Variants in ABI3BP observed in about 807,000 individuals in gnomAD.
ABI3BP encodes target of Nesh-SH3.
ABI3BP carries 216 observed loss-of-function variants against 268.6 expected under a neutral mutation model. That is an observed-to-expected ratio of 0.80 (90% CI 0.72 to 0.90). The LOEUF is 0.90. Ranked by LOEUF, ABI3BP falls within the 40% of genes least tolerant of loss-of-function variation. ABI3BP has a pLI of 0.00. For missense variants in ABI3BP, 2,090 were observed against 2,182.4 expected, an observed-to-expected ratio of 0.96 and a Z score of 0.84; for synonymous variants, 730 against 730.0, an observed-to-expected ratio of 1.00 and a Z score of 0.00.
intron 23 of ABI3BP, 94 bp from the exon 24 acceptor site, chr3:100,839,710 G>T: frequency 1.5e-6 from 2 of 1,307,484 alleles, no homozygotes; most frequent in Non-Finnish European, 1.1e-6. Context: ...CTACCTAAAT[G>T]ATGCATTTTT....
At chr3:100,955,624 G>T (rs1285617075) in intron 1 of ABI3BP, among the ~76,000 whole-genome samples, 1 of 152,032 alleles carries the variant, frequency 6.6e-6, no homozygotes, top group East Asian at 1.9e-4. Flanking sequence ...ACAACAAGAA[G>T]TAATAGTATT....
chr3:100,867,190 T>C (rs554476456), intron 9 of ABI3BP, among the ~76,000 whole-genome samples: 2 of 152,096 alleles, frequency 1.3e-5, no homozygotes, highest in African/African-American at 2.4e-5. Context: ...AAGATCTAAA[T>C]TGGCATTGAA....
intron 41 of ABI3BP, among the ~76,000 whole-genome samples, chr3:100,817,923 C>T (rs1279083298): frequency 1.3e-5 from 2 of 152,118 alleles, no homozygotes; most frequent in Admixed American, 1.3e-4. Flanking sequence ...GCATAAAGAA[C>T]ACCATGTAAT....
At chr3:100,911,099 A>C in intron 2 of ABI3BP, 1 of 302,728 alleles carries the variant, frequency 3.3e-6, no homozygotes, top group Non-Finnish European at 6.4e-6. Flanking sequence ...GGTTTGTCTT[A>C]TGTCTCTAAC....
chr3:100,945,732 C>T (rs2071854086), intron 1 of ABI3BP: 1 of 402,518 alleles, frequency 2.5e-6, no homozygotes, highest in Non-Finnish European at 4.9e-6. Context: ...AAATATTCAT[C>T]AAATATTTGG....
chr3:100,749,885 G>C lies in ABI3BP; in HGVS notation c.*610C>G, dbSNP rs2095227773. Reference sequence around the variant, plus strand: ...ACTGATTCAATCTTTTTAAGAATTTGTGGATGTTTAAAGGAAATGTATATT... The same window carrying C: ...ACTGATTCAATCTTTTTAAGAATTTCTGGATGTTTAAAGGAAATGTATATT... On this transcript the variant is annotated 3_prime_UTR_variant, in exon 68 of 68. Coordinates refer to ENST00000471714, the MANE Select transcript of ABI3BP (RefSeq NM_001375547.2). 1 of 395,394 alleles carries C rather than the reference G, an allele frequency of 2.5e-6. No individual in the cohort carries two copies. The highest frequency in any genetic ancestry group is 4.5e-6 in the Non-Finnish European group (1 of 224,386). The allele number at this position is 395,394 out of a possible 1,614,324, so 24.5% of individuals were successfully genotyped here.
intron 1 of ABI3BP, among the ~76,000 whole-genome samples, chr3:100,964,106 T>A (rs2153827936): frequency 6.6e-6 from 1 of 152,248 alleles, no homozygotes; most frequent in South Asian, 2.1e-4. Context: ...CAGCCCCAAG[T>A]CGTTTTGTAG....
chr3:100,806,816 A>G (rs1444028537), intron 50 of ABI3BP, among the ~76,000 whole-genome samples: 1 of 152,032 alleles, frequency 6.6e-6, no homozygotes, highest in Non-Finnish European at 1.5e-5. Flanking sequence ...TGTCTTGTCA[A>G]GAAAGGTTGG....
rs552682461 is a variant in ABI3BP at position 100,821,489 on chromosome 3, A to G, written c.2888-376T>C. Among the ~76,000 whole-genome samples the G allele has an allele frequency of 2.4e-4, 37 of 152,156 alleles. 1 individual carries two copies. The highest frequency in any genetic ancestry group is 8.7e-4 in the African/African-American group (36 of 41,516). The stretch of plus-strand genomic sequence containing the variant: ...TGGAAAGAACAGCTTGCTGATGTCT[A>G]CCAGATCAAATCTCAACTGCTCCAT... On this transcript the variant is annotated intron_variant, in intron 38 of 67. Transcript: ENST00000471714.
chr3:100,902,722 T>C (rs1184716631), intron 2 of ABI3BP, 36 bp from the exon 3 acceptor site: 11 of 1,588,852 alleles, frequency 6.9e-6, no homozygotes, highest in Admixed American at 1.7e-5. Context: ...GAAAAACCCT[T>C]TGAGAACCAG....
chr3:100,750,446 A>C lies in ABI3BP; in HGVS notation c.*49T>G. On this transcript the variant is annotated 3_prime_UTR_variant, in exon 68 of 68. Coordinates refer to ENST00000471714, the MANE Select transcript of ABI3BP (RefSeq NM_001375547.2). ...TAAATGAATGCGGCATAGTATTTTC[A>C]ATGATTTTTGTTTGCAATGATGAAA... 7.0e-7 allele frequency: 1 copy of C among 1,425,880 alleles called. No individual in the cohort carries two copies. The highest frequency in any genetic ancestry group is 9.8e-7 in the Non-Finnish European group (1 of 1,015,252). 88.3% of individuals were successfully genotyped at this position (1,425,880 alleles called of 1,614,324 possible). A position where few individuals can be genotyped will look rare whatever the true frequency, so the allele number is the denominator to read the frequency against.
chr3:100,986,844 G>A (rs2091902310), intron 1 of ABI3BP, among the ~76,000 whole-genome samples: 1 of 152,082 alleles, frequency 6.6e-6, no homozygotes, highest in African/African-American at 2.4e-5. Context: ...TATCATGCCT[G>A]ATACACAGTA....
In ABI3BP at chr3:100,862,849, C is replaced by G; in HGVS notation, c.1199G>C (p.Arg400Thr). ...GGTACTCTTATTACCCAATGTGCCC[C>G]TAGGTTTCTCAAAAGGGAAGGGTGT... ...AKTPFPFEKP[R>T]GTLASSEKPW... is the part of the protein sequence containing the mutation. The change falls in exon 13 of 68, where the codon AGG (arginine) becomes ACG (threonine). Residue 400 changes from arginine (R) to threonine (T), a missense_variant. By Grantham distance (71) the Arg-to-Thr change is moderately conservative. Coordinates refer to ENST00000471714, the MANE Select transcript of ABI3BP (RefSeq NM_001375547.2). 1 of 1,535,340 alleles carries G rather than the reference C, an allele frequency of 6.5e-7. No individual in the cohort carries two copies. The highest frequency in any genetic ancestry group is 8.7e-7 in the Non-Finnish European group (1 of 1,146,386).
At chr3:100,920,270 G>T (rs2059843769) in intron 2 of ABI3BP, among the ~76,000 whole-genome samples, 1 of 152,138 alleles carries the variant, frequency 6.6e-6, no homozygotes, top group Non-Finnish European at 1.5e-5. Flanking sequence ...CAGAACTTTA[G>T]TGGAAAGTTA....
chr3:100,873,865 T>C (rs12494609), intron 9 of ABI3BP, among the ~76,000 whole-genome samples: 27,237 of 152,078 alleles, frequency 0.18, 2,680 homozygotes, highest in East Asian at 0.3. Context: ...ATTTGTTGAA[T>C]GACTGTGGCC....
intron 1 of ABI3BP, among the ~76,000 whole-genome samples, chr3:100,944,546 A>G (rs1369433853): frequency 1.3e-5 from 2 of 152,280 alleles, no homozygotes; most frequent in East Asian, 3.9e-4. Context: ...ACTCTTGATA[A>G]AAAATGAAAA....
chr3:100,750,344 A>ATCTT lies in ABI3BP; in HGVS notation c.*147_*150dup. 1 of 538,012 alleles carries ATCTT rather than the reference A, an allele frequency of 1.9e-6. No homozygotes were observed. The highest frequency in any genetic ancestry group is 3.2e-5 in the East Asian group (1 of 31,034). 33.3% of individuals were successfully genotyped at this position (538,012 alleles called of 1,614,324 possible). On this transcript the variant is annotated 3_prime_UTR_variant, in exon 68 of 68. Transcript: ENST00000471714. ...TAAAACCTGATAAATACTCTCAGCA[A>ATCTT]TCTTTTCTAATAATAAACATCTAGT... is the stretch of plus-strand genomic sequence containing the variant.
At chr3:100,757,588 CTT>C (rs990929131) in intron 63 of ABI3BP, among the ~76,000 whole-genome samples, 5 of 152,150 alleles carry the variant, frequency 3.3e-5, no homozygotes, top group African/African-American at 9.7e-5. Context: ...CCTTTTATAA[CTT>C]TTCCTCAAGA....
intron 40 of ABI3BP, among the ~76,000 whole-genome samples, chr3:100,819,947 CAAAAAA>C (rs3029879): frequency 2.7e-4 from 26 of 94,634 alleles, no homozygotes; most frequent in South Asian, 3.2e-4. Flanking sequence ...GACTCCGTCT[CAAAAAA>C]AAAAAAAAAA....
Sources: allele counts gnomAD v4.1 joint callset (sites outside exome capture counted in the v4.1 genomes callset), GRCh38; gene constraint gnomAD v4.1.1; transcripts MANE v1.5; gene names NCBI Gene and HGNC (gene_info 2026-07-23, HGNC 2026-07-21).